The following LCLAT1 variants were observed in gnomAD, a reference collection of about 807,000 sequenced individuals.
LCLAT1 encodes 1-AGP acyltransferase 8.
A neutral mutation model predicts 30.7 loss-of-function variants in LCLAT1; 11 were observed. That is an observed-to-expected ratio of 0.36 (90% CI 0.23 to 0.59). The LOEUF (loss-of-function observed/expected upper bound fraction) is 0.59, where lower values mean the gene tolerates loss of function less well. Ranked by LOEUF, LCLAT1 falls within the 20% of genes least tolerant of loss-of-function variation. LCLAT1 has a pLI of 0.77. For missense variants in LCLAT1, 402 were observed against 458.6 expected (o/e 0.88, Z 1.13); for synonymous variants, 155 against 151.3 (o/e 1.02, Z -0.18).
At chr2:30,634,501 C>T (rs1668928086) in intron 5 of LCLAT1, among the ~76,000 whole-genome samples, 2 of 152,182 alleles carry the variant, frequency 1.3e-5, no homozygotes, top group Non-Finnish European at 2.9e-5. Flanking sequence ...TGGTGTGCGT[C>T]TGTAGTCCCA....
intron 5 of LCLAT1, among the ~76,000 whole-genome samples, chr2:30,609,847 A>G (rs1667647869): frequency 6.6e-6 from 1 of 152,136 alleles, no homozygotes; most frequent in South Asian, 2.1e-4. Context: ...ATAAACTTCT[A>G]AAAGGCAAGG....
chr2:30,635,817 C>T (rs1162198169), intron 5 of LCLAT1, among the ~76,000 whole-genome samples: 4 of 152,156 alleles, frequency 2.6e-5, no homozygotes, highest in Non-Finnish European at 4.4e-5. Context: ...ACAACTCAAT[C>T]GAGAGAGCAT....
rs553175328 is a variant in LCLAT1 at position 30,594,256 on chromosome 2, C to G, written c.628+26080C>G. Among the ~76,000 whole-genome samples the G allele has an allele frequency of 1.5e-4, 23 of 152,246 alleles. No homozygotes were observed. The South Asian group carries it at 4.8e-3, about 32-fold the overall frequency. On this transcript the variant is annotated intron_variant, in intron 5 of 5. Coordinates refer to ENST00000379509, the MANE Select transcript of LCLAT1 (RefSeq NM_001002257.3). Reference sequence around the variant, plus strand: ...TTCCTGACAGAATACATGTGTTTCTCCATATTCAATCCTACTGATTCATAT... The same window carrying G: ...TTCCTGACAGAATACATGTGTTTCTGCATATTCAATCCTACTGATTCATAT...
intron 5 of LCLAT1, among the ~76,000 whole-genome samples, chr2:30,573,487 C>T (rs1665871467): frequency 6.6e-6 from 1 of 152,094 alleles, no homozygotes; most frequent in Non-Finnish European, 1.5e-5. Flanking sequence ...CATGATTTAC[C>T]CAGGCCTCCT....
intron 3 of LCLAT1, 123 bp downstream of exon 3, chr2:30,533,437 T>G: frequency 1.3e-6 from 1 of 769,714 alleles, no homozygotes; most frequent in African/African-American, 1.7e-5. Flanking sequence ...AAACAATCTC[T>G]GGTTCTTTTG....
At chr2:30,533,676 C>G (rs952217903) in intron 3 of LCLAT1, among the ~76,000 whole-genome samples, 3 of 152,210 alleles carry the variant, frequency 2.0e-5, no homozygotes, top group Non-Finnish European at 4.4e-5. Flanking sequence ...TTGACTGATT[C>G]ATTCATATTC....
At chr2:30,492,216 A>G (rs796114153) in intron 1 of LCLAT1, among the ~76,000 whole-genome samples, 9 of 152,358 alleles carry the variant, frequency 5.9e-5, no homozygotes, top group African/African-American at 2.2e-4. Context: ...TATCAGTTTA[A>G]CACAATAACA....
intron 4 of LCLAT1, among the ~76,000 whole-genome samples, chr2:30,563,398 G>T (rs1558522467): frequency 1.3e-5 from 2 of 152,188 alleles, no homozygotes; most frequent in East Asian, 3.8e-4. Context: ...TGCTCTGGTT[G>T]ATACTGGGAG....
chr2:30,470,929 T>A (rs1044551897), intron 1 of LCLAT1, among the ~76,000 whole-genome samples: 1 of 150,926 alleles, frequency 6.6e-6, no homozygotes, highest in African/African-American at 2.4e-5. Flanking sequence ...TTTTTTTTTT[T>A]TTGAGACAGA....
At chr2:30,611,372 G>T (rs373705513) in intron 5 of LCLAT1, among the ~76,000 whole-genome samples, 1 of 152,172 alleles carries the variant, frequency 6.6e-6, no homozygotes, top group East Asian at 1.9e-4. Context: ...AGAACAGAGA[G>T]TGTGTGTGTA....
At chr2:30,615,640 G>A (rs1008188306) in intron 5 of LCLAT1, among the ~76,000 whole-genome samples, 2 of 152,066 alleles carry the variant, frequency 1.3e-5, no homozygotes, top group Non-Finnish European at 2.9e-5. Flanking sequence ...GCTCAAATAA[G>A]TTTCTGGGAG....
intron 1 of LCLAT1, among the ~76,000 whole-genome samples, chr2:30,504,218 A>G (rs1323876239): frequency 1.1e-4 from 17 of 152,174 alleles, no homozygotes; most frequent in African/African-American, 3.6e-4. Context: ...AACATAACAT[A>G]TATTACATGT....
In LCLAT1 at chr2:30,447,297, T is replaced by C. The variant is rs1337067101; in HGVS notation, c.-91T>C. 6.6e-6 allele frequency: 1 copy of C among 151,304 alleles called. No homozygotes were observed. Among genetic ancestry groups the C allele is most frequent in the African/African-American group, 2.4e-5 (1 of 41,216 alleles). The allele number at this position is 151,304 out of a possible 1,614,324, so 9.4% of individuals were successfully genotyped here. On this transcript the variant is annotated 5_prime_UTR_variant, in exon 1 of 6. Transcript: ENST00000379509. ...CGTTACGGGATGAATTAACGGCGGG[T>C]TCCGCACGGAGGTTGTGACCCCTAC...
At chr2:30,482,683 C>T (rs577271532) in intron 1 of LCLAT1, among the ~76,000 whole-genome samples, 29 of 151,980 alleles carry the variant, frequency 1.9e-4, no homozygotes, top group African/African-American at 6.5e-4. Flanking sequence ...CCAATTTAGG[C>T]CCAGTGCTTT....
chr2:30,534,520 C>T (rs372133491), intron 3 of LCLAT1, among the ~76,000 whole-genome samples: 7 of 152,154 alleles, frequency 4.6e-5, no homozygotes, highest in Non-Finnish European at 7.3e-5. Flanking sequence ...CCTCGTAAGC[C>T]GCCTGCGTTG....
At chr2:30,491,673 T>C (rs1683838090) in intron 1 of LCLAT1, among the ~76,000 whole-genome samples, 2 of 152,220 alleles carry the variant, frequency 1.3e-5, no homozygotes, top group African/African-American at 4.8e-5. Flanking sequence ...TGTAGATTTA[T>C]TTTTAATTTC....
intron 1 of LCLAT1, among the ~76,000 whole-genome samples, chr2:30,478,726 T>TA (rs1220017270): frequency 6.6e-6 from 1 of 150,482 alleles, no homozygotes; most frequent in Non-Finnish European, 1.5e-5. Flanking sequence ...TACATAAATT[T>TA]AAAAAACCAA....
At chr2:30,598,696 T>G (rs4021130) in intron 5 of LCLAT1, among the ~76,000 whole-genome samples, 47,767 of 151,958 alleles carry the variant, frequency 0.31, 7,808 homozygotes, top group East Asian at 0.6. Flanking sequence ...TTCTGCTAGC[T>G]TTGGAGTGTG....
chr2:30,486,983 G>A (rs1683589095), intron 1 of LCLAT1, among the ~76,000 whole-genome samples: 1 of 152,110 alleles, frequency 6.6e-6, no homozygotes, highest in South Asian at 2.1e-4. Context: ...CTTTCTCTAG[G>A]TAGTTCCTGA....
Sources: gnomAD v4.1 joint callset for allele counts (sites outside exome capture counted in the v4.1 genomes callset) on GRCh38, gnomAD v4.1.1 for gene constraint, MANE v1.5 for transcripts, NCBI Gene and HGNC (gene_info 2026-07-23, HGNC 2026-07-21) for gene names.